Variants in MSRA observed in about 807,000 individuals in gnomAD.
The protein encoded by MSRA is mitochondrial peptide methionine sulfoxide reductase.
MSRA carries 54 observed loss-of-function variants against 31.3 expected under a neutral mutation model. The ratio of observed to expected loss-of-function variants is 1.73; its 90% CI spans 1.39 to 2.17. The LOEUF (loss-of-function observed/expected upper bound fraction) is 2.17. Among genes scored for constraint, MSRA ranks in the 30% most tolerant of loss-of-function variants. MSRA has a pLI of 0.00. For missense variants in MSRA, 507 were observed against 300.9 expected (o/e 1.69, Z -5.07); for synonymous variants, 169 against 116.5 (o/e 1.45, Z -2.90).
intron 1 of MSRA, among the ~76,000 whole-genome samples, chr8:10,073,493 A>C (rs1797842604): frequency 6.6e-6 from 1 of 152,250 alleles, no homozygotes; most frequent in South Asian, 2.1e-4. Context: ...CTGGAATTTT[A>C]CAGAAAAGGT....
intron 1 of MSRA, among the ~76,000 whole-genome samples, chr8:10,169,311 T>C (rs1413833747): frequency 6.6e-6 from 1 of 152,232 alleles, no homozygotes; most frequent in Non-Finnish European, 1.5e-5. Context: ...AATACTTGCC[T>C]TAACTGAGGG....
intron 1 of MSRA, among the ~76,000 whole-genome samples, chr8:10,108,348 G>C (rs77741956): frequency 1.2e-4 from 18 of 152,064 alleles, no homozygotes; most frequent in Non-Finnish European, 2.5e-4. Flanking sequence ...TCATTAGGTG[G>C]GAGGTACCAC....
intron 1 of MSRA, among the ~76,000 whole-genome samples, chr8:10,165,423 A>G (rs1805039797): frequency 6.6e-6 from 1 of 152,210 alleles, no homozygotes; most frequent in South Asian, 2.1e-4. Context: ...CCAGAACAGA[A>G]CTTTGGAACT....
chr8:10,094,882 A>G (rs1237052481), intron 1 of MSRA, among the ~76,000 whole-genome samples: 2 of 152,250 alleles, frequency 1.3e-5, no homozygotes, highest in African/African-American at 2.4e-5. Flanking sequence ...CTGTTATTAA[A>G]TTGACCTTAG....
chr8:10,413,739 C>G (rs900458404), intron 5 of MSRA, among the ~76,000 whole-genome samples: 1 of 149,942 alleles, frequency 6.7e-6, no homozygotes, highest in Non-Finnish European at 1.5e-5. Flanking sequence ...GCTGAGTTGG[C>G]GGAAGAAAGA....
chr8:10,334,736 T>A (rs945231279), intron 5 of MSRA, among the ~76,000 whole-genome samples: 2 of 152,190 alleles, frequency 1.3e-5, no homozygotes, highest in African/African-American at 4.8e-5. Context: ...TGTTTGTGCA[T>A]GTGTATTTAG....
chr8:10,378,431 G>A (rs1001125183), intron 5 of MSRA, among the ~76,000 whole-genome samples: 1 of 152,220 alleles, frequency 6.6e-6, no homozygotes. Flanking sequence ...ATCCCCTGGT[G>A]ATAATTCTCA....
intron 5 of MSRA, among the ~76,000 whole-genome samples, chr8:10,404,677 G>A (rs934905147): frequency 5.3e-5 from 8 of 152,242 alleles, no homozygotes; most frequent in South Asian, 2.1e-4. Flanking sequence ...ACACTGATGT[G>A]TACACAAACA....
intron 1 of MSRA, among the ~76,000 whole-genome samples, chr8:10,202,644 T>C (rs1426863161): frequency 6.6e-6 from 1 of 152,184 alleles, no homozygotes; most frequent in African/African-American, 2.4e-5. Flanking sequence ...GCCATGGGCA[T>C]GGTCGTGGAG....
intron 2 of MSRA, among the ~76,000 whole-genome samples, chr8:10,244,205 A>AAAAAATT (rs1170435654): frequency 1.3e-5 from 2 of 152,230 alleles, no homozygotes; most frequent in Non-Finnish European, 2.9e-5. Context: ...AATTTGAGTG[A>AAAAAATT]GGCAGTAATC....
chr8:10,158,403 G>A (rs765558912), intron 1 of MSRA, among the ~76,000 whole-genome samples: 48 of 152,266 alleles, frequency 3.2e-4, no homozygotes, highest in Non-Finnish European at 5.7e-4. Context: ...CCAGCTATCG[G>A]CACAATAATC....
At chr8:10,382,222 T>G (rs1273167960) in intron 5 of MSRA, among the ~76,000 whole-genome samples, 1 of 152,200 alleles carries the variant, frequency 6.6e-6, no homozygotes, top group Non-Finnish European at 1.5e-5. Flanking sequence ...TTCCCTCTTA[T>G]GGCTGCTCTT....
intron 4 of MSRA, among the ~76,000 whole-genome samples, chr8:10,304,627 C>A (rs185468733): frequency 1.3e-5 from 2 of 152,248 alleles, no homozygotes; most frequent in Admixed American, 6.5e-5. Flanking sequence ...AGGGGAGAGC[C>A]AGGCTACAAA....
chr8:10,150,818 A>T (rs1803598148), intron 1 of MSRA, among the ~76,000 whole-genome samples: 1 of 152,166 alleles, frequency 6.6e-6, no homozygotes, highest in Non-Finnish European at 1.5e-5. Context: ...CCTTCCCTGC[A>T]CTGCCCAGTT....
chr8:10,141,008 C>T (rs960789333), intron 1 of MSRA, among the ~76,000 whole-genome samples: 1 of 152,088 alleles, frequency 6.6e-6, no homozygotes, highest in African/African-American at 2.4e-5. Flanking sequence ...TTTTTGGGGG[C>T]TGTGCAAATA....
Position 10,362,461 on chromosome 8 carries a change from C to CAA in MSRA, c.543+42492_543+42493dup, listed in dbSNP as rs11388593. On this transcript the variant is annotated intron_variant, in intron 5 of 5. Transcript: ENST00000317173. ...TTCCCACCCAAAGTCATACCATAAG[C>CAA]AAAAAAAAAAAAAAAAAAAAAGTGG... is the stretch of plus-strand genomic sequence containing the variant. Among the ~76,000 whole-genome samples the CAA allele has an allele frequency of 8.8e-3, 675 of 76,650 alleles. 10 individuals are homozygous for CAA. The highest frequency in any genetic ancestry group is 0.034 in the East Asian group (93 of 2,758). The allele number at this position is 76,650 out of a possible 152,430, so 50.3% of individuals were successfully genotyped here. A position where few individuals can be genotyped will look rare whatever the true frequency, so the allele number is the denominator to read the frequency against.
intron 3 of MSRA, among the ~76,000 whole-genome samples, chr8:10,292,925 G>A (rs1800323170): frequency 6.6e-6 from 1 of 152,190 alleles, no homozygotes; most frequent in Non-Finnish European, 1.5e-5. Flanking sequence ...AGTGATGGAG[G>A]GCCCTAGTGG....
intron 3 of MSRA, among the ~76,000 whole-genome samples, chr8:10,287,864 A>T (rs1291664343): frequency 6.6e-6 from 1 of 152,060 alleles, no homozygotes; most frequent in Admixed American, 6.6e-5. Flanking sequence ...TGTGTCACTG[A>T]ACTCTGAGAC....
chr8:10,252,395 T>C (rs1417874428), intron 3 of MSRA, among the ~76,000 whole-genome samples: 1 of 152,202 alleles, frequency 6.6e-6, no homozygotes, highest in East Asian at 1.9e-4. Context: ...GGTTCCTGTT[T>C]ATGATTTCTG....
Sources: allele counts gnomAD v4.1 joint callset (sites outside exome capture counted in the v4.1 genomes callset), GRCh38; gene constraint gnomAD v4.1.1; transcripts MANE v1.5; gene names NCBI Gene and HGNC (gene_info 2026-07-23, HGNC 2026-07-21).